OCA2: variants seen among roughly 807,000 people sequenced by gnomAD.
OCA2 encodes the protein OCA2 melanosomal transmembrane protein, also known as P protein.
Under a neutral mutation model 100.2 loss-of-function variants are expected in OCA2, and 77 were observed. That is an observed-to-expected ratio of 0.77 (90% CI 0.64 to 0.93). OCA2 has a LOEUF of 0.93. OCA2 is among the 40% of genes least tolerant of loss of function. The pLI, the probability that OCA2 is intolerant of heterozygous loss-of-function variation, is 0.00. For synonymous variants in OCA2, 432 were observed against 439.2 expected (o/e 0.98, Z 0.21); for missense variants, 1,062 against 1,089.1 (o/e 0.98, Z 0.35).
chr15:27,776,751 A>C (rs2032242755), intron 23 of OCA2: 1 of 152,404 alleles, frequency 6.6e-6, no homozygotes, highest in East Asian at 1.9e-4. Flanking sequence ...TGACGATTGC[A>C]CTTGGCACCC....
intron 22 of OCA2, among the ~76,000 whole-genome samples, chr15:27,845,917 T>C (rs749242436): frequency 3.3e-5 from 5 of 152,154 alleles, no homozygotes; most frequent in Non-Finnish European, 5.9e-5. Context: ...TTTCAGAGGC[T>C]GGACAACATG....
chr15:27,721,428 A>T, the OCA2 span, among the ~76,000 whole-genome samples: 1 of 152,210 alleles, frequency 6.6e-6, no homozygotes, highest in African/African-American at 2.4e-5. Flanking sequence ...GTGACACTAC[A>T]GAAAACTCAG....
chr15:28,043,587 T>C lies in OCA2; in HGVS notation c.228-11424A>G, dbSNP rs1277021387. ...GGATGGAACATGAAAGACTCCTGTT[T>C]AGAGAACCACTGCCATGTAATTAAG... is the stretch of plus-strand genomic sequence containing the variant. On this transcript the variant is annotated intron_variant, in intron 2 of 23. Coordinates refer to ENST00000354638, the MANE Select transcript of OCA2 (RefSeq NM_000275.3). The surrounding 1 kb of genome is among the most constrained non-coding windows in gnomAD (Gnocchi z 4.4). Among the ~76,000 whole-genome samples the C allele has an allele frequency of 6.6e-6, 1 of 152,170 alleles. No homozygotes were observed. The highest frequency in any genetic ancestry group is 2.4e-5 in the African/African-American group (1 of 41,434).
At chr15:27,984,552 T>G (rs528739771) in intron 13 of OCA2, among the ~76,000 whole-genome samples, 1 of 151,580 alleles carries the variant, frequency 6.6e-6, no homozygotes, top group South Asian at 2.1e-4. Flanking sequence ...GTGAGCCATT[T>G]TTTGTTTGTT....
intron 23 of OCA2, among the ~76,000 whole-genome samples, chr15:27,780,804 A>G (rs1429688839): frequency 6.6e-6 from 1 of 152,258 alleles, no homozygotes; most frequent in East Asian, 1.9e-4. Flanking sequence ...TCAAGGTTGT[A>G]GGACCAAGAA....
intron 9 of OCA2, among the ~76,000 whole-genome samples, 160 bp downstream of exon 9, chr15:28,014,616 C>G (rs1456204325): frequency 6.6e-6 from 1 of 152,194 alleles, no homozygotes; most frequent in Non-Finnish European, 1.5e-5. Context: ...GTATGGTTCC[C>G]TTTCTACCTA....
chr15:27,925,930 C>T (rs559312737), intron 19 of OCA2, among the ~76,000 whole-genome samples, 197 bp downstream of exon 19: 2 of 152,170 alleles, frequency 1.3e-5, no homozygotes, highest in African/African-American at 2.4e-5. Context: ...AAAACAAATA[C>T]GCAGTGCTGT....
At position 28,032,092 on chromosome 15, in the gene OCA2, A is replaced by T; in HGVS notation, c.299T>A (p.Leu100Ter). The change falls in exon 3 of 24, where the codon TTG becomes TAG. Residue 100 changes from leucine (L) to a stop codon, truncating the protein, a stop_gained. Transcript: ENST00000354638. LOFTEE classifies it high-confidence loss of function. ...TTTCTCCTGTAAGGAATTCCTCAGC[A>T]AAGGAGTGTTTTCTGTAAAGCAGGA... is the stretch of plus-strand genomic sequence containing the variant. Reference protein sequence around the residue: ...KDSCFTENTPLLRNSLQEKGS... With the variant: ...KDSCFTENTP 6.2e-7 allele frequency: 1 copy of T among 1,613,986 alleles called. No individual in the cohort carries two copies. Among genetic ancestry groups the T allele is most frequent in the Non-Finnish European group, 8.5e-7 (1 of 1,179,838 alleles).
At chr15:28,023,228 G>C (rs1278181277) in intron 5 of OCA2, among the ~76,000 whole-genome samples, 1 of 152,138 alleles carries the variant, frequency 6.6e-6, no homozygotes. Context: ...AAGCAAATTG[G>C]TAGCCAAAAA....
At position 27,951,851 on chromosome 15, in the gene OCA2, T is replaced by C. The variant is rs2140618868; in HGVS notation, c.1884A>G (p.Thr628=). 6.2e-7 allele frequency: 1 copy of C among 1,613,976 alleles called. No individual in the cohort carries two copies. The highest frequency in any genetic ancestry group is 1.1e-5 in the South Asian group (1 of 91,062). ...SDGILLAKCL[T]VLGFVIFMFF... ...ACATGAAGATAACAAATCCCAACAC[T>C]GTCAGGCATTTGGCGAGCAGAATCC... is the stretch of plus-strand genomic sequence containing the variant. The change falls in exon 18 of 24, where the codon ACA becomes ACG. Residue 628 remains threonine (T), a synonymous_variant. Transcript: ENST00000354638.
intron 1 of OCA2, among the ~76,000 whole-genome samples, chr15:28,096,813 G>A (rs1174001184): frequency 6.6e-6 from 1 of 152,088 alleles, no homozygotes; most frequent in African/African-American, 2.4e-5. Context: ...GCCGCGGGTG[G>A]GCTCTGCCGA....
At chr15:27,759,117 T>C (rs1352245824) in intron 23 of OCA2, among the ~76,000 whole-genome samples, 1 of 152,122 alleles carries the variant, frequency 6.6e-6, no homozygotes, top group African/African-American at 2.4e-5. Context: ...AAGTTTCTCC[T>C]CAGAAACTAT....
At chr15:27,822,309 G>A (rs574528147) in intron 23 of OCA2, among the ~76,000 whole-genome samples, 2 of 152,046 alleles carry the variant, frequency 1.3e-5, no homozygotes, top group African/African-American at 4.8e-5. Flanking sequence ...TTTGTGTCTG[G>A]CTTCTTTCAC....
At chr15:27,875,493 TC>T (rs2036751833) in intron 19 of OCA2, among the ~76,000 whole-genome samples, 1 of 152,120 alleles carries the variant, frequency 6.6e-6, no homozygotes, top group South Asian at 2.1e-4. Flanking sequence ...TTGAATTTAG[TC>T]CTTTGAATGT....
chr15:28,075,546 A>G (rs2044403504), intron 2 of OCA2, among the ~76,000 whole-genome samples: 1 of 152,264 alleles, frequency 6.6e-6, no homozygotes, highest in South Asian at 2.1e-4. Context: ...ATATTTATCA[A>G]ATAACTCAGC....
intron 2 of OCA2, among the ~76,000 whole-genome samples, chr15:28,034,329 G>C (rs958242422): frequency 2.6e-5 from 4 of 152,072 alleles, no homozygotes; most frequent in Non-Finnish European, 5.9e-5. Context: ...CATTAACTAA[G>C]GAGATGTAAA....
downstream of OCA2, among the ~76,000 whole-genome samples, chr15:27,750,272 G>T (rs2311465): frequency 6.6e-6 from 1 of 151,964 alleles, no homozygotes; most frequent in Non-Finnish European, 1.5e-5. Context: ...CCTGTATATT[G>T]AAAAAGTTAC....
chr15:28,084,142 T>C (rs1211595499), intron 1 of OCA2, among the ~76,000 whole-genome samples: 2 of 152,198 alleles, frequency 1.3e-5, no homozygotes, highest in East Asian at 1.9e-4. Flanking sequence ...CTCTCCACCA[T>C]GTGTGGACAC....
intron 23 of OCA2, among the ~76,000 whole-genome samples, chr15:27,762,354 C>T (rs942271897): frequency 6.6e-6 from 1 of 152,078 alleles, no homozygotes; most frequent in Non-Finnish European, 1.5e-5. Context: ...AGCAGCTTCC[C>T]ACCATAAATC....
Sources: gnomAD v4.1 joint callset for allele counts (sites outside exome capture counted in the v4.1 genomes callset) on GRCh38, gnomAD v4.1.1 for gene constraint, Gnocchi (gnomAD v3.1) non-coding constraint, MANE v1.5 for transcripts, NCBI Gene and HGNC (gene_info 2026-07-23, HGNC 2026-07-21) for gene names.